Variants in SYN3 observed in about 807,000 individuals in gnomAD.
SYN3 encodes synapsin-3.
Under a neutral mutation model 65.8 loss-of-function variants are expected in SYN3, and 35 were observed. The observed-to-expected ratio is 0.53, with a 90% CI of 0.41 to 0.70. SYN3 has a LOEUF of 0.70. SYN3 is among the 30% of genes least tolerant of loss of function. SYN3 has a pLI of 0.00. For missense variants in SYN3, 680 were observed against 749.0 expected, an observed-to-expected ratio of 0.91 and a Z score of 1.08; for synonymous variants, 270 against 292.9, an observed-to-expected ratio of 0.92 and a Z score of 0.80.
chr22:32,990,415 T>G (rs941019136), intron 2 of SYN3, among the ~76,000 whole-genome samples: 77 of 82,628 alleles, frequency 9.3e-4, no homozygotes, highest in African/African-American at 6.5e-3. Flanking sequence ...CAGCCATCCA[T>G]CCATCCATCC....
intron 6 of SYN3, among the ~76,000 whole-genome samples, chr22:32,687,144 G>A (rs2060601697): frequency 6.6e-6 from 1 of 151,772 alleles, no homozygotes; most frequent in African/African-American, 2.4e-5. Context: ...AGTAGGTCTT[G>A]TTTTTATTTA....
chr22:32,875,393 G>A (rs1042979576), intron 4 of SYN3, among the ~76,000 whole-genome samples: 3 of 152,116 alleles, frequency 2.0e-5, no homozygotes, highest in Non-Finnish European at 2.9e-5. Context: ...TCTTTATTCC[G>A]GTCTCTTCCT....
At chr22:32,665,681 G>T (rs1049547635) in intron 6 of SYN3, among the ~76,000 whole-genome samples, 2 of 151,950 alleles carry the variant, frequency 1.3e-5, no homozygotes, top group African/African-American at 4.8e-5. Flanking sequence ...TACCTTGCTG[G>T]CTGCCCTCCC....
intron 6 of SYN3, among the ~76,000 whole-genome samples, chr22:32,702,335 G>A (rs971740937): frequency 1.4e-4 from 22 of 151,962 alleles, no homozygotes; most frequent in Middle Eastern, 3.4e-3. Flanking sequence ...AAAATTAGCC[G>A]GGCGTGGTGG....
At chr22:32,754,244 C>T (rs369200844) in intron 6 of SYN3, among the ~76,000 whole-genome samples, 21 of 152,116 alleles carry the variant, frequency 1.4e-4, no homozygotes, top group African/African-American at 4.3e-4. Flanking sequence ...CTCTGCCTCC[C>T]GGGTTCAAGC....
At chr22:33,015,416 C>G in intron 1 of SYN3, 2 of 348,364 alleles carry the variant, frequency 5.7e-6, no homozygotes, top group Non-Finnish European at 1.1e-5. Flanking sequence ...TTAGGAAATA[C>G]AAAGCTATGA....
chr22:32,757,061 G>GA, intron 6 of SYN3, among the ~76,000 whole-genome samples: 1 of 150,892 alleles, frequency 6.6e-6, no homozygotes, highest in Non-Finnish European at 1.5e-5. Flanking sequence ...TTTTTTTGAG[G>GA]GGGGGTGGTT....
intron 6 of SYN3, among the ~76,000 whole-genome samples, chr22:32,734,041 AAC>A (rs1416011329): frequency 6.6e-6 from 1 of 152,150 alleles, no homozygotes; most frequent in Non-Finnish European, 1.5e-5. Flanking sequence ...TCCAGAACTA[AAC>A]AGACTGTCTA....
chr22:32,709,157 A>C (rs1313074431), intron 6 of SYN3, among the ~76,000 whole-genome samples: 1 of 152,210 alleles, frequency 6.6e-6, no homozygotes, highest in Non-Finnish European at 1.5e-5. Flanking sequence ...GCCCGGGGGA[A>C]AATGACCTCT....
Position 32,857,253 on chromosome 22 carries a change from A to G in SYN3, c.711+7662T>C, listed in dbSNP as rs2048395121. On this transcript the variant is annotated intron_variant, in intron 6 of 13. Coordinates refer to ENST00000358763, the MANE Select transcript of SYN3 (RefSeq NM_003490.4). Reference sequence around the variant, plus strand: ...TGATGTTCCTTTTGCCCACAGATGTACCGAGGCTTCACCAAGATGCCCCAT... The same window carrying G: ...TGATGTTCCTTTTGCCCACAGATGTGCCGAGGCTTCACCAAGATGCCCCAT... 6.2e-7 allele frequency: 1 copy of G among 1,613,430 alleles called. No homozygotes were observed.
At chr22:32,582,564 G>A (rs1420602101) in intron 7 of SYN3, among the ~76,000 whole-genome samples, 2 of 152,038 alleles carry the variant, frequency 1.3e-5, no homozygotes, top group Non-Finnish European at 2.9e-5. Context: ...GGCTGGGGGT[G>A]GGGGTGGGTC....
intron 6 of SYN3, among the ~76,000 whole-genome samples, chr22:32,793,497 A>G (rs1043829973): frequency 2.0e-5 from 3 of 152,138 alleles, no homozygotes; most frequent in African/African-American, 7.2e-5. Flanking sequence ...TCTTTCCACC[A>G]ACTATTATTT....
intron 11 of SYN3, 122 bp from the exon 12 acceptor site, chr22:32,528,127 C>T (rs576043155): frequency 2.5e-5 from 20 of 791,608 alleles, no homozygotes; most frequent in Middle Eastern, 5.1e-4. Flanking sequence ...ATAAAGTGTA[C>T]AGTTCTGGAG....
chr22:32,523,565 T>C lies in SYN3; in HGVS notation c.1318+4353A>G, dbSNP rs568575112. 2.0e-5 allele frequency among the ~76,000 whole-genome samples: 3 copies of C among 152,150 alleles called. No individual in the cohort carries two copies. In the South Asian group the frequency reaches 6.2e-4, roughly 32 times the overall value. ...AAAGACAGTGAACTTACTTGATAAA[T>C]GTGTGTGTTCTGGCTGCCCCATTTA... On this transcript the variant is annotated intron_variant, in intron 12 of 13. Transcript: ENST00000358763.
rs532785172 is a variant in SYN3 at position 33,033,240 on chromosome 22, A to T, written c.-163+25052T>A. 6.9e-3 allele frequency among the ~76,000 whole-genome samples: 1,047 copies of T among 152,132 alleles called. 8 individuals are homozygous for T. Among genetic ancestry groups the T allele is most frequent in the Non-Finnish European group, 0.01 (690 of 67,996 alleles). ...GATCTCGAACTCCTGACTTCAGGTG[A>T]TCCACCCACCTCAGCCTCCCAAAGT... On this transcript the variant is annotated intron_variant, in intron 1 of 13. Coordinates refer to ENST00000358763, the MANE Select transcript of SYN3 (RefSeq NM_003490.4).
At chr22:33,035,745 A>AT (rs2053847951) in intron 1 of SYN3, among the ~76,000 whole-genome samples, 1 of 151,996 alleles carries the variant, frequency 6.6e-6, no homozygotes, top group African/African-American at 2.4e-5. Flanking sequence ...GGCCCAGATA[A>AT]TTTTTCATTT....
At chr22:32,739,414 G>A (rs2061376969) in intron 6 of SYN3, among the ~76,000 whole-genome samples, 2 of 148,804 alleles carry the variant, frequency 1.3e-5, no homozygotes, top group Admixed American at 1.3e-4. Context: ...TCTCGGGTAT[G>A]TCTTTATCAG....
intron 1 of SYN3, among the ~76,000 whole-genome samples, chr22:33,008,765 A>AT (rs1182487903): frequency 2.0e-5 from 3 of 151,726 alleles, no homozygotes; most frequent in Admixed American, 6.6e-5. Context: ...AGTAAAAATA[A>AT]TTTTTTTTAA....
intron 7 of SYN3, among the ~76,000 whole-genome samples, chr22:32,551,676 A>G (rs2146301138): frequency 6.6e-6 from 1 of 152,320 alleles, no homozygotes; most frequent in Non-Finnish European, 1.5e-5. Flanking sequence ...ACTAGATGAT[A>G]TTAAAGAATT....
Sources: gnomAD v4.1 joint callset for allele counts (sites outside exome capture counted in the v4.1 genomes callset) on GRCh38, gnomAD v4.1.1 for gene constraint, MANE v1.5 for transcripts, NCBI Gene and HGNC (gene_info 2026-07-23, HGNC 2026-07-21) for gene names.